Variants in USH2A observed in about 807,000 individuals in gnomAD.
USH2A encodes the protein usherin.
Under a neutral mutation model 538.9 loss-of-function variants are expected in USH2A, and 443 were observed. The observed-to-expected ratio is 0.82, with a 90% CI of 0.76 to 0.89. The LOEUF (loss-of-function observed/expected upper bound fraction) is 0.89. Ranked by LOEUF, USH2A falls within the 40% of genes least tolerant of loss-of-function variation. USH2A has a pLI of 0.00. For missense variants in USH2A, 6,633 were observed against 6,324.8 expected, an observed-to-expected ratio of 1.05 and a Z score of -1.65; for synonymous variants, 2,413 against 2,273.5, an observed-to-expected ratio of 1.06 and a Z score of -1.75.
At position 216,175,344 on chromosome 1, in the gene USH2A, A is replaced by T; in HGVS notation, c.4535T>A (p.Leu1512Gln). The T allele has an allele frequency of 6.2e-7, 1 of 1,613,852 alleles. No individual in the cohort carries two copies. The highest frequency in any genetic ancestry group is 8.5e-7 in the Non-Finnish European group (1 of 1,179,870). ...LERRESSLPA[L>Q]MTTMMKGIRF... ...GATTCCTTTCATCATCGTGGTCATC[A>T]GAGCTGGTAGAGATGACTCTCTCCT... Residue 1512 changes from leucine to glutamine, a missense_variant, in exon 21 of 72, where the codon CTG (leucine) becomes CAG (glutamine). Leu to Gln is a moderately radical substitution (Grantham distance 113). Transcript: ENST00000307340.
At chr1:215,740,587 T>C (rs1224390708) in intron 60 of USH2A, among the ~76,000 whole-genome samples, 1 of 152,124 alleles carries the variant, frequency 6.6e-6, no homozygotes, top group Non-Finnish European at 1.5e-5. Context: ...AAAAGCACCA[T>C]CTTTGGAGGA....
In USH2A at chr1:215,900,780, C is replaced by T. The variant is rs143017635; in HGVS notation, c.7426G>A (p.Gly2476Ser). ...TCTAGAAATCCATGGGTGGAGTCGC[C>T]AGACCTCATCTGGAGTTGGTATCTG... ...SPRYQLQMRS[G>S]DSTHGFLELF... Residue 2476 changes from glycine (G) to serine (S), a missense_variant, in exon 39 of 72, where the codon GGC becomes AGC. Gly to Ser is a moderately conservative substitution (Grantham distance 56, BLOSUM62 0). Coordinates refer to ENST00000307340, the MANE Select transcript of USH2A (RefSeq NM_206933.4). 6.2e-7 allele frequency: 1 copy of T among 1,613,658 alleles called. No individual in the cohort carries two copies. The highest frequency in any genetic ancestry group is 2.2e-5 in the East Asian group (1 of 44,864).
At chr1:216,046,175 C>A (rs1261548642) in intron 32 of USH2A, among the ~76,000 whole-genome samples, 1 of 151,878 alleles carries the variant, frequency 6.6e-6, no homozygotes, top group Non-Finnish European at 1.5e-5. Flanking sequence ...TCCACATCCT[C>A]CTGTATGCTT....
At chr1:215,977,649 A>G (rs1346264140) in intron 35 of USH2A, among the ~76,000 whole-genome samples, 1 of 151,940 alleles carries the variant, frequency 6.6e-6, no homozygotes, top group Non-Finnish European at 1.5e-5. Context: ...AGTAGCTGGG[A>G]TTATAGGTGC....
intron 3 of USH2A, among the ~76,000 whole-genome samples, chr1:216,367,975 G>C (rs559470226): frequency 4.3e-4 from 65 of 152,306 alleles, no homozygotes; most frequent in African/African-American, 1.5e-3. Flanking sequence ...GCTCGTGCAT[G>C]TTTATTGGTG....
At chr1:215,698,468 C>T (rs918468310) in intron 61 of USH2A, among the ~76,000 whole-genome samples, 5 of 152,214 alleles carry the variant, frequency 3.3e-5, no homozygotes, top group African/African-American at 9.6e-5. Flanking sequence ...AATTTCTTCA[C>T]ATCCTCTCCA....
At chr1:216,151,375 T>A (rs1443894122) in intron 21 of USH2A, among the ~76,000 whole-genome samples, 1 of 152,156 alleles carries the variant, frequency 6.6e-6, no homozygotes, top group African/African-American at 2.4e-5. Flanking sequence ...TACACTAGTC[T>A]TCCTTACCCC....
chr1:216,256,149 G>A (rs1454599887), intron 11 of USH2A, among the ~76,000 whole-genome samples: 1 of 151,862 alleles, frequency 6.6e-6, no homozygotes, highest in Non-Finnish European at 1.5e-5. Flanking sequence ...TTTTCTGTAA[G>A]CAGCATATAG....
At chr1:215,775,450 C>T (rs983553571) in intron 55 of USH2A, among the ~76,000 whole-genome samples, 2 of 152,098 alleles carry the variant, frequency 1.3e-5, no homozygotes, top group Non-Finnish European at 1.5e-5. Context: ...TTTATTCATT[C>T]GACAAACATT....
intron 4 of USH2A, among the ~76,000 whole-genome samples, chr1:216,358,710 GTAGCTC>G (rs1271582363): frequency 6.6e-6 from 1 of 152,098 alleles, no homozygotes; most frequent in Non-Finnish European, 1.5e-5. Flanking sequence ...TTTTCCTTCT[GTAGCTC>G]TCAGATGTCA....
chr1:216,225,103 T>C (rs757578999), intron 14 of USH2A, among the ~76,000 whole-genome samples: 4 of 152,156 alleles, frequency 2.6e-5, no homozygotes, highest in Non-Finnish European at 5.9e-5. Flanking sequence ...TTACATTACA[T>C]GTGAATTTTT....
chr1:216,327,715 A>C, intron 4 of USH2A, 61 bp from the exon 5 acceptor site: 1 of 1,568,208 alleles, frequency 6.4e-7, no homozygotes, highest in Non-Finnish European at 8.8e-7. Flanking sequence ...ATACCTGACA[A>C]GTATTTAAGT....
chr1:215,822,250 A>G (rs1663034381), intron 47 of USH2A, among the ~76,000 whole-genome samples: 1 of 151,930 alleles, frequency 6.6e-6, no homozygotes, highest in African/African-American at 2.4e-5. Flanking sequence ...CTTCTAATCC[A>G]AGAGCATGGA....
intron 35 of USH2A, among the ~76,000 whole-genome samples, chr1:215,976,984 G>GT (rs56872387): frequency 0.3 from 43,563 of 144,280 alleles, 6,681 homozygotes; most frequent in Non-Finnish European, 0.35. Context: ...ACCTGGTCCA[G>GT]TTTTTTTTTT....
At chr1:215,657,927 ATTTT>A (rs59977028) in intron 64 of USH2A, among the ~76,000 whole-genome samples, 5 of 97,750 alleles carry the variant, frequency 5.1e-5, no homozygotes, top group African/African-American at 1.1e-4. Context: ...ATTTGCCCTG[ATTTT>A]TTTTTTTTTT....
At chr1:216,087,810 A>G (rs1028949377) in intron 23 of USH2A, among the ~76,000 whole-genome samples, 1 of 152,076 alleles carries the variant, frequency 6.6e-6, no homozygotes. Context: ...TTCTTGTCTG[A>G]ATTATTACAG....
intron 3 of USH2A, among the ~76,000 whole-genome samples, chr1:216,399,162 C>T (rs2039266106): frequency 6.6e-6 from 1 of 152,152 alleles, no homozygotes; most frequent in Non-Finnish European, 1.5e-5. Context: ...CAGTCAGGAG[C>T]TGAAGCTCAA....
Position 215,888,623 on chromosome 1 carries a change from G to A in USH2A, c.8026C>T (p.Pro2676Ser), listed in dbSNP as rs1251197997. 1 of 1,613,972 alleles carries A rather than the reference G, an allele frequency of 6.2e-7. No homozygotes were observed. Among genetic ancestry groups the A allele is most frequent in the African/African-American group, 1.3e-5 (1 of 74,894 alleles). ...KEEVTTLVTL[P>S]RSHSMRFIDK... ...ATAAACCTCATGGAATGACTCCTCG[G>A]GAGAGTCACCAGGGTAGTAACTTCT... The change falls in exon 41 of 72, where the codon CCG (proline) becomes TCG (serine). Residue 2676 changes from proline (P) to serine (S), a missense_variant. Physicochemically the swap from Pro to Ser is moderately conservative, Grantham distance 74. Transcript: ENST00000307340.
At position 215,728,090 on chromosome 1, in the gene USH2A, G is replaced by T. The variant is rs2102713360; in HGVS notation, c.12006C>A (p.Tyr4002Ter). The change falls in exon 61 of 72, where the codon TAC becomes TAA. Residue 4002 changes from tyrosine (Y) to a stop codon, truncating the protein, a stop_gained. Coordinates refer to ENST00000307340, the MANE Select transcript of USH2A (RefSeq NM_206933.4). LOFTEE classifies it high-confidence loss of function. ...ATGTAGGATCGTCGGGTCTCTCCTG[G>T]TAGACCACACGGTAATGGGAGATAA... ...NGIISHYRVVYQERPDDPTFN... is the reference protein window; with the variant it reads ...NGIISHYRVV 2 of 1,614,142 alleles carry T rather than the reference G, an allele frequency of 1.2e-6. No individual in the cohort carries two copies. Among genetic ancestry groups the T allele is most frequent in the Non-Finnish European group, 1.7e-6 (2 of 1,180,042 alleles).
Sources: gnomAD v4.1 joint callset for allele counts (sites outside exome capture counted in the v4.1 genomes callset) on GRCh38, gnomAD v4.1.1 for gene constraint, MANE v1.5 for transcripts, NCBI Gene and HGNC (gene_info 2026-07-23, HGNC 2026-07-21) for gene names.